SLC5A12: variants seen among roughly 807,000 people sequenced by gnomAD.
The protein encoded by SLC5A12 is sodium-coupled monocarboxylate transporter 2.
A neutral mutation model predicts 72.7 loss-of-function variants in SLC5A12; 46 were observed. The observed-to-expected ratio is 0.63, with a 90% CI of 0.50 to 0.81. SLC5A12 has a LOEUF of 0.81. Ranked by LOEUF, SLC5A12 falls within the 30% of genes least tolerant of loss-of-function variation. The pLI, the probability that SLC5A12 is intolerant of heterozygous loss-of-function variation, is 0.00. For missense variants in SLC5A12, 683 were observed against 740.7 expected, an observed-to-expected ratio of 0.92 and a Z score of 0.90; for synonymous variants, 275 against 264.4, an observed-to-expected ratio of 1.04 and a Z score of -0.39.
chr11:26,703,343 T>G (rs1464043765), intron 6 of SLC5A12, among the ~76,000 whole-genome samples, 188 bp downstream of exon 6: 2 of 151,920 alleles, frequency 1.3e-5, no homozygotes, highest in Non-Finnish European at 2.9e-5. Context: ...CACTTCCTGC[T>G]GAGATGACAG....
chr11:26,720,654 C>G (rs1565206677), intron 1 of SLC5A12, among the ~76,000 whole-genome samples: 1 of 152,022 alleles, frequency 6.6e-6, no homozygotes, highest in Non-Finnish European at 1.5e-5. Context: ...TTAATAGAAA[C>G]TTATGTTTGA....
Position 26,681,133 on chromosome 11 carries a change from G to A in SLC5A12, c.1397C>T (p.Thr466Ile). 1.2e-6 allele frequency: 2 copies of A among 1,611,880 alleles called. No individual in the cohort carries two copies. The highest frequency in any genetic ancestry group is 1.7e-6 in the Non-Finnish European group (2 of 1,178,994). The change falls in exon 12 of 15, where the codon ACA (threonine) becomes ATA (isoleucine). Residue 466 changes from threonine (T) to isoleucine (I), a missense_variant. Transcript: ENST00000396005. ...AFIYPAPASK[T>I]WPLPLSTDQC... ...GTCTGTTGACAGAGGCAAAGGCCATGTCTTAGAGGCTGGTGCAGGGTAAAT... is the reference window on the plus strand; with the variant it reads ...GTCTGTTGACAGAGGCAAAGGCCATATCTTAGAGGCTGGTGCAGGGTAAAT...
chr11:26,697,414 T>A (rs1390418151), intron 7 of SLC5A12, among the ~76,000 whole-genome samples, 162 bp from the exon 8 acceptor site: 1 of 152,188 alleles, frequency 6.6e-6, no homozygotes, highest in Non-Finnish European at 1.5e-5. Flanking sequence ...ATTTTCCTTG[T>A]TTTCAATATA....
chr11:26,721,787 C>A lies in SLC5A12; in HGVS notation c.-73G>T. 1 of 1,309,810 alleles carries A rather than the reference C, an allele frequency of 7.6e-7. No individual in the cohort carries two copies. Among genetic ancestry groups the A allele is most frequent in the South Asian group, 1.4e-5 (1 of 73,260 alleles). The allele number at this position is 1,309,810 out of a possible 1,614,324, so 81.1% of individuals were successfully genotyped here. ...AGAAGATGTTTCCAAAAGCAAAGTT[C>A]AGTACAGTGGATGCTTTGCTGAGAG... is the stretch of plus-strand genomic sequence containing the variant. On this transcript the variant is annotated 5_prime_UTR_variant, in exon 1 of 15. Coordinates refer to ENST00000396005, the MANE Select transcript of SLC5A12 (RefSeq NM_178498.4).
intron 3 of SLC5A12, among the ~76,000 whole-genome samples, chr11:26,710,849 C>A (rs1025407789): frequency 6.6e-6 from 1 of 151,902 alleles, no homozygotes; most frequent in Non-Finnish European, 1.5e-5. Context: ...TTTACTTTGA[C>A]TTTTTTTCTT....
intron 8 of SLC5A12, among the ~76,000 whole-genome samples, chr11:26,696,479 T>C (rs1434094505): frequency 6.6e-6 from 1 of 152,172 alleles, no homozygotes; most frequent in East Asian, 1.9e-4. Context: ...AGAAAATGCA[T>C]TGTTAGGTGA....
At chr11:26,678,917 C>T (rs1854328541) in intron 12 of SLC5A12, 102 bp from the exon 13 acceptor site, 2 of 609,556 alleles carry the variant, frequency 3.3e-6, no homozygotes, top group Non-Finnish European at 5.5e-6. Context: ...ATCTCAAAAG[C>T]CTAAATCATA....
intron 6 of SLC5A12, among the ~76,000 whole-genome samples, chr11:26,701,438 T>C (rs1854955889): frequency 6.6e-6 from 1 of 152,220 alleles, no homozygotes; most frequent in African/African-American, 2.4e-5. Context: ...TACATTTCTG[T>C]CTTCATGAGT....
At position 26,694,178 on chromosome 11, in the gene SLC5A12, AT is replaced by A. The variant is rs1340978212; in HGVS notation, c.1041-1578del. Among the ~76,000 whole-genome samples, 3 of 151,882 alleles carry A rather than the reference AT, an allele frequency of 2.0e-5. No homozygotes were observed. The East Asian group carries it at 5.8e-4, about 29-fold the overall frequency. The stretch of plus-strand genomic sequence containing the variant: ...AAGGCTGCTACAAGATAGTGGAAAT[AT>A]TTTTCCCCTACCTCTCAACCACTAT... On this transcript the variant is annotated intron_variant, in intron 8 of 14. Coordinates refer to ENST00000396005, the MANE Select transcript of SLC5A12 (RefSeq NM_178498.4).
At chr11:26,715,200 T>A (rs889232581) in intron 1 of SLC5A12, among the ~76,000 whole-genome samples, 1 of 152,168 alleles carries the variant, frequency 6.6e-6, no homozygotes, top group Admixed American at 6.6e-5. Flanking sequence ...ATTTAATGAC[T>A]GCTGTGGTCT....
In SLC5A12 at chr11:26,680,350, C is replaced by CATATATATATGTATATATATTCAT. The variant is rs1565185696; in HGVS notation, c.1475+681_1475+704dup. ...ATTCATATATATATGTATATATATT[C>CATATATATATGTATATATATTCAT]ATATATATATGTATATATATTCATA... is the stretch of plus-strand genomic sequence containing the variant. On this transcript the variant is annotated intron_variant, in intron 12 of 14. Coordinates refer to ENST00000396005, the MANE Select transcript of SLC5A12 (RefSeq NM_178498.4). Among the ~76,000 whole-genome samples, 102 of 74,356 alleles carry CATATATATATGTATATATATTCAT rather than the reference C, an allele frequency of 1.4e-3. 1 individual carries two copies. The highest frequency in any genetic ancestry group is 4.4e-3 in the African/African-American group (80 of 18,108). 48.8% of individuals were successfully genotyped at this position (74,356 alleles called of 152,430 possible). A position where few individuals can be genotyped will look rare whatever the true frequency, so the allele number is the denominator to read the frequency against.
chr11:26,677,538 G>T (rs1854293805), intron 13 of SLC5A12, among the ~76,000 whole-genome samples: 1 of 152,148 alleles, frequency 6.6e-6, no homozygotes, highest in African/African-American at 2.4e-5. Flanking sequence ...CAAGGAAGGA[G>T]TTACAGATGT....
intron 4 of SLC5A12, among the ~76,000 whole-genome samples, chr11:26,708,383 A>AT (rs1855140201): frequency 6.6e-6 from 1 of 151,990 alleles, no homozygotes; most frequent in African/African-American, 2.4e-5. Context: ...TGAGAATGTA[A>AT]TTTTTTAAAA....
rs541556138 is a variant in SLC5A12, at chr11:26,667,617, C to T, written c.*3485G>A. 3 of 151,958 alleles carry T rather than the reference C, an allele frequency of 2.0e-5. No homozygotes were observed. The highest frequency in any genetic ancestry group is 3.9e-4 in the East Asian group (2 of 5,158). The allele number at this position is 151,958 out of a possible 1,614,324, so 9.4% of individuals were successfully genotyped here. On this transcript the variant is annotated 3_prime_UTR_variant, in exon 15 of 15. Coordinates refer to ENST00000396005, the MANE Select transcript of SLC5A12 (RefSeq NM_178498.4). ...TTGGGTTGAGATGCTGTTTATTTAT[C>T]AAGGTTTACATGTACAAAATAATAA...
In SLC5A12 at chr11:26,671,142, T is replaced by C; in HGVS notation, c.1817A>G (p.Lys606Arg). Residue 606 changes from lysine to arginine, a missense_variant, in exon 15 of 15, where the codon AAA becomes AGA. Lys to Arg is a conservative substitution (Grantham distance 26). Transcript: ENST00000396005. ...VHVPGYDPKD[K>R]SYNNMAFETT... is the part of the protein sequence containing the mutation. Reference sequence around the variant, plus strand: ...CTCAAATGCCATATTGTTGTAGCTTTTGTCCTTAGGATCATAGCCTGGAAC... The same window carrying C: ...CTCAAATGCCATATTGTTGTAGCTTCTGTCCTTAGGATCATAGCCTGGAAC... The C allele has an allele frequency of 2.5e-6, 4 of 1,612,884 alleles. No homozygotes were observed. Among genetic ancestry groups the C allele is most frequent in the Non-Finnish European group, 3.4e-6 (4 of 1,179,314 alleles).
chr11:26,719,266 A>G (rs1458839520), intron 1 of SLC5A12, among the ~76,000 whole-genome samples: 1 of 152,240 alleles, frequency 6.6e-6, no homozygotes. Flanking sequence ...GTTACTGTGC[A>G]CTAAGGTAAT....
chr11:26,677,442 A>G (rs1854291087), intron 13 of SLC5A12, among the ~76,000 whole-genome samples: 1 of 152,192 alleles, frequency 6.6e-6, no homozygotes, highest in Admixed American at 6.6e-5. Context: ...ATTTAGAAGG[A>G]AATGTTCAGG....
At chr11:26,678,896 T>C (rs944609393) in intron 12 of SLC5A12, 81 bp from the exon 13 acceptor site, 149 of 823,956 alleles carry the variant, frequency 1.8e-4, no homozygotes, top group Non-Finnish European at 2.6e-4. Context: ...GGATTCATTT[T>C]AGGGCCTGGC....
chr11:26,710,051 T>A (rs1374358518), intron 3 of SLC5A12, among the ~76,000 whole-genome samples: 1 of 152,112 alleles, frequency 6.6e-6, no homozygotes, highest in East Asian at 1.9e-4. Flanking sequence ...CAGTGTGTGC[T>A]GTTCCCCTCC....
Sources: gnomAD v4.1 joint callset for allele counts (sites outside exome capture counted in the v4.1 genomes callset) on GRCh38, gnomAD v4.1.1 for gene constraint, MANE v1.5 for transcripts, NCBI Gene and HGNC (gene_info 2026-07-23, HGNC 2026-07-21) for gene names.